The following SH3BGRL variants were observed in gnomAD, a reference collection of about 807,000 sequenced individuals.
SH3BGRL encodes the protein adapter SH3BGRL.
In SH3BGRL, 7 loss-of-function variants were observed where a neutral mutation model predicts 9.8. The ratio of observed to expected loss-of-function variants is 0.72; its 90% CI spans 0.41 to 1.35. The LOEUF is 1.35. SH3BGRL is among the 40% of genes most tolerant of loss of function. SH3BGRL has a pLI of 0.01. For missense variants in SH3BGRL, 73 were observed against 84.4 expected, an observed-to-expected ratio of 0.86 and a Z score of 0.53; for synonymous variants, 36 against 29.1, an observed-to-expected ratio of 1.24 and a Z score of -0.76.
chrX:81,269,519 T>A (rs1479725489), intron 1 of SH3BGRL, among the ~76,000 whole-genome samples: 1 of 111,984 alleles, frequency 8.9e-6, no homozygotes, highest in Non-Finnish European at 1.9e-5. Flanking sequence ...GAAAATTCTT[T>A]TCTTTAAGAA....
chrX:81,273,174 G>T (rs1459077869), intron 1 of SH3BGRL, among the ~76,000 whole-genome samples: 7 of 111,753 alleles, frequency 6.3e-5, no homozygotes, highest in Admixed American at 1.9e-4. Context: ...CAGAACTATA[G>T]ATTGTATGCA....
intron 1 of SH3BGRL, among the ~76,000 whole-genome samples, chrX:81,265,731 G>A (rs997258409): frequency 9.0e-6 from 1 of 111,730 alleles, no homozygotes; most frequent in African/African-American, 3.3e-5. Context: ...CCCAGTAATG[G>A]GATGGCTGGG....
intron 3 of SH3BGRL, among the ~76,000 whole-genome samples, chrX:81,296,888 A>G (rs2075877007): frequency 1.8e-5 from 2 of 111,705 alleles, no homozygotes; most frequent in African/African-American, 3.3e-5. Context: ...CTCAATTTTC[A>G]TGAAAAAAAA....
At chrX:81,234,918 A>G (rs1031537434) in intron 1 of SH3BGRL, among the ~76,000 whole-genome samples, 4 of 112,024 alleles carry the variant, frequency 3.6e-5, no homozygotes, top group African/African-American at 6.5e-5. Context: ...CTGGGTTTCC[A>G]TACACTGTAA....
At chrX:81,222,245 A>C (rs1216709775) in intron 1 of SH3BGRL, among the ~76,000 whole-genome samples, 1 of 110,221 alleles carries the variant, frequency 9.1e-6, no homozygotes, top group African/African-American at 3.3e-5. Context: ...ATATGTATAC[A>C]TGTGCCATGT....
At chrX:81,206,013 G>C (rs965599698) in intron 1 of SH3BGRL, among the ~76,000 whole-genome samples, 1 of 111,433 alleles carries the variant, frequency 9.0e-6, no homozygotes, top group Non-Finnish European at 1.9e-5. Context: ...GTCTTCTTTT[G>C]TGAAATGTTT....
At chrX:81,226,072 A>G (rs2075615732) in intron 1 of SH3BGRL, among the ~76,000 whole-genome samples, 2 of 111,356 alleles carry the variant, frequency 1.8e-5, no homozygotes, top group Admixed American at 9.6e-5. Flanking sequence ...CAACTCCCCA[A>G]CCACCTCCCA....
intron 1 of SH3BGRL, among the ~76,000 whole-genome samples, chrX:81,244,085 A>AT (rs1021917855): frequency 9.0e-6 from 1 of 111,449 alleles, no homozygotes; most frequent in African/African-American, 3.3e-5. Context: ...TTATTGAGTT[A>AT]TTTTTTTTCT....
At chrX:81,254,655 T>C (rs2075720067) in intron 1 of SH3BGRL, among the ~76,000 whole-genome samples, 1 of 111,567 alleles carries the variant, frequency 9.0e-6, no homozygotes, top group Non-Finnish European at 1.9e-5. Context: ...GTATGATGAT[T>C]ACCATGTGGA....
intron 3 of SH3BGRL, among the ~76,000 whole-genome samples, chrX:81,291,095 A>C (rs1257164987): frequency 8.9e-6 from 1 of 112,030 alleles, no homozygotes; most frequent in African/African-American, 3.2e-5. Context: ...TGTGACTTTA[A>C]CATATTCATT....
chrX:81,264,516 G>T (rs946433106), intron 1 of SH3BGRL, among the ~76,000 whole-genome samples: 1 of 111,534 alleles, frequency 9.0e-6, no homozygotes, highest in Non-Finnish European at 1.9e-5. Flanking sequence ...TGCATATCTC[G>T]CTGCTAACAT....
chrX:81,284,856 A>T (rs1277078164), intron 3 of SH3BGRL, among the ~76,000 whole-genome samples: 1 of 111,169 alleles, frequency 9.0e-6, no homozygotes, highest in African/African-American at 3.3e-5. Flanking sequence ...GCCCAGCAGT[A>T]GTTAGAACTG....
At position 81,220,872 on chromosome X, in the gene SH3BGRL, C is replaced by T. The variant is rs1430720657; in HGVS notation, c.45+18627C>T. Among the ~76,000 whole-genome samples, 6 of 110,809 alleles carry T rather than the reference C, an allele frequency of 5.4e-5. No individual in the cohort carries two copies. The South Asian group carries it at 2.3e-3, about 42-fold the overall frequency. On this transcript the variant is annotated intron_variant, in intron 1 of 3. Coordinates refer to ENST00000373212, the MANE Select transcript of SH3BGRL (RefSeq NM_003022.3). Reference sequence around the variant, plus strand: ...AATTTTCTTAATTTCTTCGTTGACCCACTGTTCACTCAGGAGCATATTGTC... The same window carrying T: ...AATTTTCTTAATTTCTTCGTTGACCTACTGTTCACTCAGGAGCATATTGTC...
intron 1 of SH3BGRL, among the ~76,000 whole-genome samples, chrX:81,264,874 A>G (rs754536640): frequency 9.9e-5 from 11 of 111,180 alleles, no homozygotes; most frequent in Non-Finnish European, 1.9e-4. Context: ...TGACTAAATA[A>G]TGTTCTTTCT....
At chrX:81,209,088 A>G (rs1238175104) in intron 1 of SH3BGRL, among the ~76,000 whole-genome samples, 3 of 102,430 alleles carry the variant, frequency 2.9e-5, no homozygotes, top group Non-Finnish European at 5.9e-5. Flanking sequence ...GCTCACTGCA[A>G]TCTCTGCCTC....
At chrX:81,269,291 G>A (rs1256667046) in intron 1 of SH3BGRL, among the ~76,000 whole-genome samples, 1 of 111,525 alleles carries the variant, frequency 9.0e-6, no homozygotes, top group Non-Finnish European at 1.9e-5. Flanking sequence ...CCTGTTAATT[G>A]ATGCAGTTTC....
intron 1 of SH3BGRL, among the ~76,000 whole-genome samples, chrX:81,261,079 T>C (rs2075739935): frequency 9.0e-6 from 1 of 111,451 alleles, no homozygotes; most frequent in African/African-American, 3.3e-5. Context: ...ATTGTCGACC[T>C]TCTATAAAAA....
intron 1 of SH3BGRL, chrX:81,202,493 A>T (rs1446122897): frequency 3.1e-6 from 3 of 980,094 alleles, no homozygotes; most frequent in Non-Finnish European, 3.8e-6. Flanking sequence ...TTGAAGGAAA[A>T]CGAAAGCTAC....
At chrX:81,216,786 TA>T (rs1187305499) in intron 1 of SH3BGRL, among the ~76,000 whole-genome samples, 2 of 111,973 alleles carry the variant, frequency 1.8e-5, no homozygotes, top group African/African-American at 6.5e-5. Flanking sequence ...ATTCTTTTTA[TA>T]ACTGAGTAAT....
Sources: gnomAD v4.1 joint callset for allele counts (sites outside exome capture counted in the v4.1 genomes callset) on GRCh38, gnomAD v4.1.1 for gene constraint, MANE v1.5 for transcripts, NCBI Gene and HGNC (gene_info 2026-07-23, HGNC 2026-07-21) for gene names.